SLC4A8: variants seen among roughly 807,000 people sequenced by gnomAD.
SLC4A8 encodes solute carrier family 4 member 8, also known as electroneutral sodium bicarbonate exchanger 1.
A neutral mutation model predicts 125.0 loss-of-function variants in SLC4A8; 40 were observed. That is an observed-to-expected ratio of 0.32 (90% CI 0.25 to 0.42). SLC4A8 has a LOEUF of 0.42. Among genes scored for constraint, SLC4A8 ranks in the 10% least tolerant of loss-of-function variants. The pLI is 1.00. For missense variants in SLC4A8, 863 were observed against 1,355.1 expected (o/e 0.64, Z 5.70); for synonymous variants, 456 against 476.0 (o/e 0.96, Z 0.55).
intron 16 of SLC4A8, among the ~76,000 whole-genome samples, chr12:51,478,188 T>C (rs1052747096): frequency 6.6e-5 from 10 of 150,682 alleles, no homozygotes; most frequent in Non-Finnish European, 1.3e-4. Context: ...GGCAGGAGAA[T>C]GGCATGAACC....
intron 16 of SLC4A8, among the ~76,000 whole-genome samples, chr12:51,478,068 G>A (rs1950906700): frequency 6.6e-6 from 1 of 152,172 alleles, no homozygotes; most frequent in East Asian, 1.9e-4. Flanking sequence ...GAGGTCAGGA[G>A]ATCGAGACCA....
intron 1 of SLC4A8, among the ~76,000 whole-genome samples, chr12:51,435,367 C>T (rs1949369816): frequency 6.6e-6 from 1 of 152,142 alleles, no homozygotes. Context: ...TATAATTTAT[C>T]TAGGAAAGCC....
At chr12:51,402,720 C>T (rs1160105140) in intron 1 of SLC4A8, among the ~76,000 whole-genome samples, 4 of 152,142 alleles carry the variant, frequency 2.6e-5, no homozygotes, top group Non-Finnish European at 5.9e-5. Flanking sequence ...GAAACTCCAT[C>T]TCAAAAAATA....
In SLC4A8 at chr12:51,509,229, C is replaced by T. The variant is rs936503902; in HGVS notation, c.*1791C>T. ...TTCCTGGTTTGTCTCATTTCTATCACAAGGCTGTTTTGGGCACAGCCTTAG... is the reference window on the plus strand; with the variant it reads ...TTCCTGGTTTGTCTCATTTCTATCATAAGGCTGTTTTGGGCACAGCCTTAG... On this transcript the variant is annotated 3_prime_UTR_variant, in exon 25 of 25. Transcript: ENST00000453097. 3 of 152,620 alleles carry T rather than the reference C, an allele frequency of 2.0e-5. No homozygotes were observed. Among genetic ancestry groups the T allele is most frequent in the Non-Finnish European group, 4.4e-5 (3 of 68,056 alleles). The allele number at this position is 152,620 out of a possible 1,614,324, so 9.5% of individuals were successfully genotyped here.
At chr12:51,440,572 G>A (rs1949562792) in intron 1 of SLC4A8, 136 bp from the exon 2 acceptor site, 2 of 635,998 alleles carry the variant, frequency 3.1e-6, no homozygotes, top group Non-Finnish European at 5.5e-6. Context: ...AAGGTATTGT[G>A]AAGTTCACAT....
intron 4 of SLC4A8, among the ~76,000 whole-genome samples, chr12:51,452,932 G>C (rs1950012606): frequency 1.3e-5 from 2 of 152,188 alleles, no homozygotes; most frequent in Admixed American, 1.3e-4. Flanking sequence ...GCAAAGCATG[G>C]CTTCAGCTCT....
chr12:51,469,966 C>T (rs1950644735), intron 12 of SLC4A8, among the ~76,000 whole-genome samples, 178 bp downstream of exon 12: 1 of 152,176 alleles, frequency 6.6e-6, no homozygotes, highest in South Asian at 2.1e-4. Context: ...CTCTTTAGAA[C>T]AGACTCTTCT....
intron 4 of SLC4A8, 28 bp downstream of exon 4, chr12:51,452,287 G>T: frequency 2.5e-6 from 4 of 1,613,564 alleles, no homozygotes; most frequent in Non-Finnish European, 3.4e-6. Context: ...CCTGCATCAA[G>T]ATCTGCTTGG....
Position 51,512,367 on chromosome 12 carries a change from C to G in SLC4A8, c.*4929C>G, listed in dbSNP as rs1012837623. On this transcript the variant is annotated 3_prime_UTR_variant, in exon 25 of 25. Transcript: ENST00000453097. ...GGGGAGCTCTCTTGGTTTCCTTTGG[C>G]CGGGTCTGTTAGTTACTTTTGAAGG... 41 of 152,280 alleles carry G rather than the reference C, an allele frequency of 2.7e-4. No homozygotes were observed. The highest frequency in any genetic ancestry group is 9.4e-4 in the African/African-American group (39 of 41,548). The allele number at this position is 152,280 out of a possible 1,614,324, so 9.4% of individuals were successfully genotyped here.
chr12:51,420,288 A>G (rs1204223916), upstream of SLC4A8: 1 of 152,214 alleles, frequency 6.6e-6, no homozygotes, highest in African/African-American at 2.4e-5. Context: ...TTGCAAGTAA[A>G]GCCTAAGACC....
chr12:51,474,628 GAGA>G (rs1950807864), intron 15 of SLC4A8, 181 bp downstream of exon 15: 22 of 1,127,304 alleles, frequency 2.0e-5, no homozygotes, highest in Non-Finnish European at 2.7e-5. Flanking sequence ...TATGTTAAGG[GAGA>G]AGATTACCCT....
rs779220824 is a variant in SLC4A8, at chr12:51,470,460, T to C, written c.1593T>C (p.Ala531=). The change falls in exon 13 of 25, where the codon GCT becomes GCC. Residue 531 remains alanine, a synonymous_variant. Transcript: ENST00000453097. ...CTTATTCCTTGTTTGCGGGACAGGC[T>C]CTCACCATCCTGGGAAGTACTGGAC... The part of the protein sequence containing the change: ...GIAYSLFAGQ[A]LTILGSTGPV... 11 of 1,613,526 alleles carry C rather than the reference T, an allele frequency of 6.8e-6. No individual in the cohort carries two copies. The highest frequency in any genetic ancestry group is 9.3e-6 in the Non-Finnish European group (11 of 1,179,554).
intron 5 of SLC4A8, among the ~76,000 whole-genome samples, chr12:51,457,030 CT>C (rs1456340039): frequency 2.6e-5 from 4 of 152,200 alleles, no homozygotes; most frequent in Non-Finnish European, 5.9e-5. Flanking sequence ...TGAATCCCAG[CT>C]GTGCAAACTG....
At chr12:51,443,486 A>G (rs1184528927) in intron 2 of SLC4A8, among the ~76,000 whole-genome samples, 1 of 152,164 alleles carries the variant, frequency 6.6e-6, no homozygotes, top group Non-Finnish European at 1.5e-5. Flanking sequence ...ACTCAAGAAG[A>G]GCAATAGTCC....
intron 1 of SLC4A8, among the ~76,000 whole-genome samples, chr12:51,435,028 A>G (rs1949354733): frequency 6.6e-6 from 1 of 152,200 alleles, no homozygotes; most frequent in South Asian, 2.1e-4. Context: ...AGGGGACAGA[A>G]TCTGGATTTT....
At chr12:51,438,857 T>C (rs1404641167) in intron 1 of SLC4A8, among the ~76,000 whole-genome samples, 5 of 152,232 alleles carry the variant, frequency 3.3e-5, no homozygotes, top group Admixed American at 3.3e-4. Context: ...TTGGTTTTGA[T>C]TTGCATTTCC....
At chr12:51,404,175 G>A (rs990971548) in intron 1 of SLC4A8, among the ~76,000 whole-genome samples, 1 of 152,188 alleles carries the variant, frequency 6.6e-6, no homozygotes, top group Non-Finnish European at 1.5e-5. Flanking sequence ...ACATGAAGGG[G>A]TTAGATGGCT....
intron 5 of SLC4A8, 35 bp downstream of exon 5, chr12:51,453,734 T>G: frequency 1.3e-6 from 2 of 1,591,392 alleles, no homozygotes; most frequent in Non-Finnish European, 1.7e-6. Context: ...AGCAACTTTC[T>G]TATAAATTTA....
intron 1 of SLC4A8, among the ~76,000 whole-genome samples, chr12:51,401,424 G>T (rs576514836): frequency 6.6e-6 from 1 of 152,312 alleles, no homozygotes; most frequent in East Asian, 1.9e-4. Flanking sequence ...GTTTTCCCCT[G>T]AGTTGGGCCG....
Sources: gnomAD v4.1 joint callset for allele counts (sites outside exome capture counted in the v4.1 genomes callset) on GRCh38, gnomAD v4.1.1 for gene constraint, MANE v1.5 for transcripts, NCBI Gene and HGNC (gene_info 2026-07-23, HGNC 2026-07-21) for gene names.